Variants in GNA12 observed in about 807,000 individuals in gnomAD.
GNA12 encodes guanine nucleotide-binding protein subunit alpha-12.
In GNA12, 9 loss-of-function variants were observed where a neutral mutation model predicts 26.0. The ratio of observed to expected loss-of-function variants is 0.35; its 90% CI spans 0.21 to 0.60. GNA12 has a LOEUF of 0.60. Ranked by LOEUF, GNA12 falls within the 20% of genes least tolerant of loss-of-function variation. The pLI is 0.78. For missense variants in GNA12, 405 were observed against 525.8 expected, an observed-to-expected ratio of 0.77 and a Z score of 2.25; for synonymous variants, 264 against 219.6, an observed-to-expected ratio of 1.20 and a Z score of -1.79.
chr7:2,813,420 T>C (rs1793133333), intron 1 of GNA12, among the ~76,000 whole-genome samples: 1 of 152,202 alleles, frequency 6.6e-6, no homozygotes, highest in Non-Finnish European at 1.5e-5. Context: ...CTACCTCCCC[T>C]TCCCCAGAGG....
At chr7:2,784,381 G>C (rs993812560) in intron 2 of GNA12, among the ~76,000 whole-genome samples, 2 of 152,200 alleles carry the variant, frequency 1.3e-5, no homozygotes, top group African/African-American at 2.4e-5. Flanking sequence ...ACCTACCAAA[G>C]GGCTGGGATT....
At chr7:2,770,137 A>G (rs1791912103) in intron 2 of GNA12, among the ~76,000 whole-genome samples, 1 of 152,238 alleles carries the variant, frequency 6.6e-6, no homozygotes, top group Admixed American at 6.5e-5. Context: ...ATAGATAGCA[A>G]CAAATAAACA....
chr7:2,821,064 G>A (rs1185686453), intron 1 of GNA12, among the ~76,000 whole-genome samples: 1 of 152,192 alleles, frequency 6.6e-6, no homozygotes, highest in Non-Finnish European at 1.5e-5. Context: ...CATCAACATG[G>A]ACAAAACTCC....
intron 2 of GNA12, among the ~76,000 whole-genome samples, chr7:2,769,606 G>A (rs983808894): frequency 2.6e-5 from 4 of 151,998 alleles, no homozygotes; most frequent in Admixed American, 2.0e-4. Flanking sequence ...GGTGGCAGGC[G>A]CCTATAGTCC....
intron 2 of GNA12, among the ~76,000 whole-genome samples, chr7:2,772,358 G>A (rs886192964): frequency 7.2e-5 from 11 of 152,102 alleles, no homozygotes; most frequent in African/African-American, 2.4e-4. Context: ...TCAGGAGCTC[G>A]AGACCATCCT....
intron 1 of GNA12, among the ~76,000 whole-genome samples, chr7:2,840,288 T>C (rs1778953397): frequency 6.6e-6 from 1 of 152,222 alleles, no homozygotes; most frequent in Non-Finnish European, 1.5e-5. Flanking sequence ...CATGTTTAGT[T>C]CCTAGCTCTG....
chr7:2,775,854 C>T (rs762000805), intron 2 of GNA12, among the ~76,000 whole-genome samples: 22 of 152,326 alleles, frequency 1.4e-4, no homozygotes, highest in Admixed American at 3.3e-4. Context: ...ATCCCTCACA[C>T]TACCTGGACA....
At chr7:2,789,430 C>T (rs559738575) in intron 2 of GNA12, among the ~76,000 whole-genome samples, 1 of 151,382 alleles carries the variant, frequency 6.6e-6, no homozygotes, top group African/African-American at 2.4e-5. Context: ...CCACCGCGCC[C>T]GGCCCCTTCA....
At chr7:2,837,193 G>A (rs1225380580) in intron 1 of GNA12, among the ~76,000 whole-genome samples, 2 of 148,776 alleles carry the variant, frequency 1.3e-5, no homozygotes, top group Admixed American at 1.3e-4. Flanking sequence ...CCCCCACCAC[G>A]AGGCAGAAAG....
chr7:2,742,436 C>A (rs1790555162), intron 2 of GNA12, among the ~76,000 whole-genome samples: 1 of 152,166 alleles, frequency 6.6e-6, no homozygotes, highest in Admixed American at 6.5e-5. Context: ...TCCATGCTTG[C>A]TGGTCTGTGA....
rs766379842 is a variant in GNA12, at chr7:2,786,698, C to T, written c.525+8230G>A. 5.7e-4 allele frequency among the ~76,000 whole-genome samples: 87 copies of T among 152,154 alleles called. 1 individual carries two copies. The highest frequency in any genetic ancestry group is 3.7e-3 in the Admixed American group (57 of 15,276). ...TAGTTTTCACTAATTAAACACTAAT[C>T]GAATGCTTGAGAAGTCAGCTAGTCC... On this transcript the variant is annotated intron_variant, in intron 2 of 3. Coordinates refer to ENST00000275364, the MANE Select transcript of GNA12 (RefSeq NM_007353.3).
At chr7:2,743,998 G>A (rs1057020376) in intron 2 of GNA12, among the ~76,000 whole-genome samples, 9 of 152,224 alleles carry the variant, frequency 5.9e-5, no homozygotes, top group African/African-American at 2.2e-4. Flanking sequence ...GCCGAGACTT[G>A]ATTAGGTAAA....
chr7:2,816,793 G>C (rs913865194), intron 1 of GNA12, among the ~76,000 whole-genome samples: 16 of 152,116 alleles, frequency 1.1e-4, no homozygotes, highest in African/African-American at 3.9e-4. Flanking sequence ...CAATTCTTAA[G>C]AGCGGCCAGG....
intron 1 of GNA12, among the ~76,000 whole-genome samples, chr7:2,815,598 A>G (rs1398879352): frequency 6.6e-6 from 1 of 152,224 alleles, no homozygotes; most frequent in African/African-American, 2.4e-5. Flanking sequence ...CAAACCAGCC[A>G]ATCCTAAACC....
chr7:2,826,008 G>A (rs958489308), intron 1 of GNA12, among the ~76,000 whole-genome samples: 1 of 152,128 alleles, frequency 6.6e-6, no homozygotes, highest in Non-Finnish European at 1.5e-5. Flanking sequence ...TAGCCAGGAA[G>A]TGGAGCAACA....
intron 1 of GNA12, among the ~76,000 whole-genome samples, chr7:2,839,430 C>T (rs1446612753): frequency 6.6e-6 from 1 of 152,162 alleles, no homozygotes; most frequent in Non-Finnish European, 1.5e-5. Flanking sequence ...GTCGCCCAGG[C>T]TGGAGTACAG....
rs1368177298 is a variant in GNA12 at position 2,794,940 on chromosome 7, G to A, written c.513C>T (p.Ser171=). ...CCTACTCACTCACCAGCTGAAACTC[G>A]CTTCTCCGGCTGAAAGCCTCCCTGA... The part of the protein sequence containing the change: ...SGIREAFSRR[S]EFQLGESVKY... The change falls in exon 2 of 4, where the codon AGC becomes AGT. Residue 171 remains serine, a synonymous_variant. Transcript: ENST00000275364. 1.3e-5 allele frequency: 21 copies of A among 1,613,216 alleles called. No homozygotes were observed. Among genetic ancestry groups the A allele is most frequent in the Middle Eastern group, 1.6e-4 (1 of 6,066 alleles).
chr7:2,762,551 G>A (rs778185225), intron 2 of GNA12: 2 of 1,361,682 alleles, frequency 1.5e-6, no homozygotes, highest in Non-Finnish European at 2.0e-6. Context: ...CTATTCTGGA[G>A]TTAGATCCAA....
chr7:2,765,797 A>G (rs1206044656), intron 2 of GNA12, among the ~76,000 whole-genome samples: 1 of 151,398 alleles, frequency 6.6e-6, no homozygotes, highest in East Asian at 2.0e-4. Flanking sequence ...CACCCAGCTA[A>G]TTTTTGTTTT....
Sources: allele counts gnomAD v4.1 joint callset (sites outside exome capture counted in the v4.1 genomes callset), GRCh38; gene constraint gnomAD v4.1.1; transcripts MANE v1.5; gene names NCBI Gene and HGNC (gene_info 2026-07-23, HGNC 2026-07-21).